ACAD8: variants seen among roughly 807,000 people sequenced by gnomAD.
ACAD8 encodes the protein acyl-CoA dehydrogenase family member 8.
Under a neutral mutation model 53.1 loss-of-function variants are expected in ACAD8, and 47 were observed. The ratio of observed to expected loss-of-function variants is 0.89; its 90% CI spans 0.70 to 1.13. The LOEUF is 1.13. Ranked by LOEUF, ACAD8 falls within the 50% of genes most tolerant of loss-of-function variation. The pLI is 0.00. For synonymous variants in ACAD8, 198 were observed against 201.3 expected (o/e 0.98, Z 0.14); for missense variants, 494 against 535.0 (o/e 0.92, Z 0.76).
At chr11:134,256,946 C>A in intron 2 of ACAD8, 142 bp from the exon 3 acceptor site, 1 of 913,382 alleles carries the variant, frequency 1.1e-6, no homozygotes, top group Non-Finnish European at 1.8e-6. Flanking sequence ...TAACTGATAA[C>A]CACTGTAAGA....
intron 1 of ACAD8, among the ~76,000 whole-genome samples, chr11:134,254,103 G>A (rs1207156020): frequency 1.3e-5 from 2 of 152,194 alleles, no homozygotes; most frequent in African/African-American, 4.8e-5. Context: ...GTCACCCTCG[G>A]ATGCTTAGAG....
chr11:134,259,746 G>GT lies in ACAD8; in HGVS notation c.705+2dup. ...CAGCTTTGGCAAGAAGGAGAAAAAGGTGAGTGGCTGTTGGACAGGAAACAA... is the reference window on the plus strand; with the variant it reads ...CAGCTTTGGCAAGAAGGAGAAAAAGGTTGAGTGGCTGTTGGACAGGAAACAA... On this transcript the variant is annotated splice_donor_variant, in intron 6 of 10. Transcript: ENST00000281182. LOFTEE classifies it high-confidence loss of function. 3 of 1,614,194 alleles carry GT rather than the reference G, an allele frequency of 1.9e-6. No homozygotes were observed. The highest frequency in any genetic ancestry group is 2.5e-6 in the Non-Finnish European group (3 of 1,180,034).
At chr11:134,264,701 AAGT>A (rs1462654318) in intron 10 of ACAD8, among the ~76,000 whole-genome samples, 2 of 152,172 alleles carry the variant, frequency 1.3e-5, no homozygotes, top group African/African-American at 4.8e-5. Context: ...CCATCAGAAG[AAGT>A]TTTTAAAAAA....
At chr11:134,253,980 C>T (rs1000235444) in intron 1 of ACAD8, among the ~76,000 whole-genome samples, 4 of 150,790 alleles carry the variant, frequency 2.7e-5, no homozygotes, top group East Asian at 2.0e-4. Context: ...CGGTCCTCCT[C>T]CGGCCGGTCA....
chr11:134,260,719 T>G, intron 6 of ACAD8: 3 of 402,708 alleles, frequency 7.4e-6, no homozygotes, highest in South Asian at 6.6e-5. Flanking sequence ...GTAGATAGTT[T>G]GTGGTTTTCA....
rs546157133 is a variant in ACAD8, at chr11:134,265,179, G to C, written c.*219G>C. The C allele has an allele frequency of 9.5e-5, 57 of 599,118 alleles. No homozygotes were observed. The highest frequency in any genetic ancestry group is 9.4e-4 in the African/African-American group (51 of 54,260). 37.1% of individuals were successfully genotyped at this position (599,118 alleles called of 1,614,324 possible). ...AGAGCTGGACTGATGAGAAACATCA[G>C]AAGAACACATACTACCTTGTTTTCC... On this transcript the variant is annotated 3_prime_UTR_variant, in exon 11 of 11. Transcript: ENST00000281182.
intron 6 of ACAD8, 103 bp downstream of exon 6, chr11:134,259,848 C>G (rs1258249395): frequency 1.9e-6 from 3 of 1,584,332 alleles, no homozygotes; most frequent in Non-Finnish European, 2.6e-6. Flanking sequence ...TACTTGCTAA[C>G]CTACCTTTGA....
At position 134,261,950 on chromosome 11, in the gene ACAD8, C is replaced by A; in HGVS notation, c.1092+60C>A. Reference sequence around the variant, plus strand: ...GGGAACAGCTGCTAGGCCCAGGGGTCTTGAGAGACATGAGTCAGATTTGGA... The same window carrying A: ...GGGAACAGCTGCTAGGCCCAGGGGTATTGAGAGACATGAGTCAGATTTGGA... On this transcript the variant is annotated intron_variant, in intron 9 of 10. Coordinates refer to ENST00000281182, the MANE Select transcript of ACAD8 (RefSeq NM_014384.3). This position sits in a 1 kb window ranked among gnomAD's most constrained non-coding sequence, Gnocchi z 4.2. 1.3e-6 allele frequency: 2 copies of A among 1,594,546 alleles called. No homozygotes were observed. Among genetic ancestry groups the A allele is most frequent in the South Asian group, 1.1e-5 (1 of 89,590 alleles).
In ACAD8 at chr11:134,257,242, A is replaced by T. The variant is rs151267852; in HGVS notation, c.365A>T (p.Tyr122Phe). ...LATGCTSTTA[Y>F]ISIHNMCAWM... Reference sequence around the variant, plus strand: ...ACAGGCTGCACCAGCACCACAGCCTATATAAGCATCCACAAGTGAGTGCCC... The same window carrying T: ...ACAGGCTGCACCAGCACCACAGCCTTTATAAGCATCCACAAGTGAGTGCCC... The change falls in exon 3 of 11, where the codon TAT becomes TTT. Residue 122 changes from tyrosine to phenylalanine, a missense_variant. Transcript: ENST00000281182. 3.7e-6 allele frequency: 6 copies of T among 1,614,092 alleles called. No individual in the cohort carries two copies. The highest frequency in any genetic ancestry group is 5.1e-6 in the Non-Finnish European group (6 of 1,180,046).
chr11:134,264,206 G>A (rs1006175511), intron 10 of ACAD8: 31 of 266,130 alleles, frequency 1.2e-4, no homozygotes, highest in African/African-American at 6.2e-4. Context: ...TTAGCTGGGC[G>A]TGGTGGTGCA....
At chr11:134,262,806 G>A in intron 10 of ACAD8, 184 bp downstream of exon 10, 1 of 1,484,860 alleles carries the variant, frequency 6.7e-7, no homozygotes, top group Non-Finnish European at 9.0e-7. Flanking sequence ...CAGAGCCGCA[G>A]CTTCGTCCCT....
intron 1 of ACAD8, among the ~76,000 whole-genome samples, chr11:134,255,317 G>A (rs1350689599): frequency 6.6e-6 from 1 of 152,054 alleles, no homozygotes; most frequent in Admixed American, 6.6e-5. Context: ...TATATTTTTA[G>A]TAGAGACGGG....
chr11:134,258,167 C>T (rs779538815), intron 3 of ACAD8: 32 of 357,528 alleles, frequency 9.0e-5, no homozygotes, highest in Middle Eastern at 9.7e-4. Flanking sequence ...CCCTTTTCCT[C>T]AATCCAAAGA....
Position 134,264,016 on chromosome 11 carries a change from A to G in ACAD8, c.1196-892A>G, listed in dbSNP as rs77391803. 0.01 allele frequency: 9,942 copies of G among 985,180 alleles called. 780 individuals are homozygous for G. The African/African-American group carries it at 0.16, about 16-fold the overall frequency. 61.0% of individuals were successfully genotyped at this position (985,180 alleles called of 1,614,324 possible). On this transcript the variant is annotated intron_variant, in intron 10 of 10. Coordinates refer to ENST00000281182, the MANE Select transcript of ACAD8 (RefSeq NM_014384.3). ...TTGTAAGTCAGTTTTCTGATTACCAAAGAAATGTGTATTTATTGTTGAAAC... is the reference window on the plus strand; with the variant it reads ...TTGTAAGTCAGTTTTCTGATTACCAGAGAAATGTGTATTTATTGTTGAAAC...
Position 134,261,402 on chromosome 11 carries a change from T to C in ACAD8, c.939+30T>C, listed in dbSNP as rs774494949. 3.1e-6 allele frequency: 5 copies of C among 1,608,472 alleles called. No homozygotes were observed. In the African/African-American group the frequency reaches 6.7e-5, roughly 22 times the overall value. Reference sequence around the variant, plus strand: ...CCTCTGCCTTGCCTCCACATGGCTTTGCACTATTTGCAGCCCGGGACCTGC... The same window carrying C: ...CCTCTGCCTTGCCTCCACATGGCTTCGCACTATTTGCAGCCCGGGACCTGC... On this transcript the variant is annotated intron_variant, in intron 8 of 10. Transcript: ENST00000281182. This position sits in a 1 kb window ranked among gnomAD's most constrained non-coding sequence, Gnocchi z 4.2.
At chr11:134,256,796 C>T in intron 2 of ACAD8, 148 bp downstream of exon 2, 1 of 754,796 alleles carries the variant, frequency 1.3e-6, no homozygotes, top group Non-Finnish European at 2.1e-6. Flanking sequence ...GATGATTTTT[C>T]CTAGAAGGCA....
At position 134,259,730 on chromosome 11, in the gene ACAD8, CAAG is replaced by C; in HGVS notation, c.694_696del (p.Lys232del). The C allele has an allele frequency of 1.2e-6, 2 of 1,614,156 alleles. No homozygotes were observed. The highest frequency in any genetic ancestry group is 1.1e-5 in the South Asian group (1 of 91,084). The stretch of plus-strand genomic sequence containing the variant: ...AGGGGACCCCTGGCCTCAGCTTTGG[CAAG>C]AAGGAGAAAAAGGTGAGTGGCTGTT... On this transcript the variant is annotated inframe_deletion, in exon 6 of 11. Coordinates refer to ENST00000281182, the MANE Select transcript of ACAD8 (RefSeq NM_014384.3).
intron 4 of ACAD8, 137 bp from the exon 5 acceptor site, chr11:134,258,871 C>T: frequency 1.2e-6 from 1 of 840,328 alleles, no homozygotes; most frequent in Non-Finnish European, 2.0e-6. Flanking sequence ...GTTCCTTTGG[C>T]CACTTGGGTT....
rs1380259442 is a variant in ACAD8, at chr11:134,262,713, C to T, written c.1195+91C>T. ...CTCTGTCCCCATGCCTCCTGGGCCT[C>T]AGGGTGCAGTCAAGCCCTGTCTGTC... On this transcript the variant is annotated intron_variant, in intron 10 of 10. Coordinates refer to ENST00000281182, the MANE Select transcript of ACAD8 (RefSeq NM_014384.3). 3 of 1,524,296 alleles carry T rather than the reference C, an allele frequency of 2.0e-6. No individual in the cohort carries two copies. The South Asian group carries it at 3.6e-5, about 18-fold the overall frequency. The allele number at this position is 1,524,296 out of a possible 1,614,324, so 94.4% of individuals were successfully genotyped here.
Sources: gnomAD v4.1 joint callset for allele counts (sites outside exome capture counted in the v4.1 genomes callset) on GRCh38, gnomAD v4.1.1 for gene constraint, Gnocchi (gnomAD v3.1) non-coding constraint, MANE v1.5 for transcripts, NCBI Gene and HGNC (gene_info 2026-07-23, HGNC 2026-07-21) for gene names.